The following PIGG variants were observed in gnomAD, a reference collection of about 807,000 sequenced individuals.
PIGG encodes the protein phosphatidylinositol glycan anchor biosynthesis class G (EMM blood group).
A neutral mutation model predicts 83.2 loss-of-function variants in PIGG; 70 were observed. That is an observed-to-expected ratio of 0.84 (90% CI 0.69 to 1.03). The LOEUF is 1.03. PIGG is among the 50% of genes least tolerant of loss of function. The pLI, the probability that PIGG is intolerant of heterozygous loss-of-function variation, is 0.00. For missense variants in PIGG, 1,257 were observed against 1,233.6 expected, an observed-to-expected ratio of 1.02 and a Z score of -0.28; for synonymous variants, 532 against 519.5, an observed-to-expected ratio of 1.02 and a Z score of -0.33.
rs141314540 is a variant in PIGG at position 526,800 on chromosome 4, G to A, written c.2070-239G>A. 2.2e-4 allele frequency: 120 copies of A among 547,364 alleles called. 1 individual carries two copies. The East Asian group carries it at 4.0e-3, about 18-fold the overall frequency. The allele number at this position is 547,364 out of a possible 1,614,324, so 33.9% of individuals were successfully genotyped here. ...TGGCCTCAAGCGATCCTTCCGCATT[G>A]GCATCCTAAAGTGCTGGGATTGCTG... On this transcript the variant is annotated intron_variant, in intron 9 of 12. Transcript: ENST00000453061.
At chr4:514,753 C>T (rs1450280224) in intron 5 of PIGG, among the ~76,000 whole-genome samples, 1 of 152,192 alleles carries the variant, frequency 6.6e-6, no homozygotes, top group African/African-American at 2.4e-5. Context: ...TTGTCAGCAA[C>T]TCCAGATATG....
chr4:499,285 G>A lies in PIGG; in HGVS notation c.-51G>A. On this transcript the variant is annotated 5_prime_UTR_variant, in exon 1 of 13. Transcript: ENST00000453061. ...TGGAGCCGGAAGCGCGGCTGCAGCA[G>A]GGCGAGGCTCCAGGTGGGGTCGGTT... is the stretch of plus-strand genomic sequence containing the variant. 6.3e-7 allele frequency: 1 copy of A among 1,584,378 alleles called. No homozygotes were observed. The highest frequency in any genetic ancestry group is 8.5e-7 in the Non-Finnish European group (1 of 1,170,532).
At chr4:526,915 A>G in intron 9 of PIGG, 124 bp from the exon 10 acceptor site, 1 of 1,048,078 alleles carries the variant, frequency 9.5e-7, no homozygotes, top group East Asian at 2.6e-5. Context: ...CAACAATTTC[A>G]TGTAATCTTT....
At position 523,741 on chromosome 4, in the gene PIGG, CG is replaced by C. The variant is rs778360262; in HGVS notation, c.1898del (p.Arg633GlnfsTer28). On this transcript the variant is annotated frameshift_variant, in exon 9 of 13. Coordinates refer to ENST00000453061, the MANE Select transcript of PIGG (RefSeq NM_001127178.3). LOFTEE classifies it high-confidence loss of function. ...QDGPGCDVLE[R>X]DKGHGSPSTS... ...CGGGCCTGGCTGTGATGTCCTGGAG[CG>C]AGACAAAGGCCACGGAAGCCCCTCT... 6.2e-6 allele frequency: 10 copies of C among 1,614,032 alleles called. No homozygotes were observed. Among genetic ancestry groups the C allele is most frequent in the Non-Finnish European group, 8.5e-6 (10 of 1,180,046 alleles).
chr4:530,879 G>A (rs775978806), intron 11 of PIGG, 134 bp downstream of exon 11: 28 of 670,050 alleles, frequency 4.2e-5, no homozygotes, highest in South Asian at 5.8e-5. Flanking sequence ...CTGAACTCTC[G>A]TGTATTTTAT....
rs1054285356 is a variant in PIGG, at chr4:521,553, T to C, written c.1333-107T>C. ...TCATCTTTTCCTGAGCTTGCTTTTC[T>C]GTTTTTACTGTGTGGACAGCTGACA... On this transcript the variant is annotated intron_variant, in intron 7 of 12. Coordinates refer to ENST00000453061, the MANE Select transcript of PIGG (RefSeq NM_001127178.3). The C allele has an allele frequency of 1.2e-5, 13 of 1,080,842 alleles. No individual in the cohort carries two copies. The African/African-American group carries it at 1.6e-4, about 13-fold the overall frequency. The allele number at this position is 1,080,842 out of a possible 1,614,324, so 67.0% of individuals were successfully genotyped here.
At chr4:526,459 C>T (rs987542905) in intron 9 of PIGG, among the ~76,000 whole-genome samples, 3 of 152,256 alleles carry the variant, frequency 2.0e-5, no homozygotes, top group African/African-American at 7.2e-5. Context: ...CCGTCAACCT[C>T]TGCACCATCT....
intron 12 of PIGG, 80 bp from the exon 13 acceptor site, chr4:539,073 C>G: frequency 1.1e-6 from 1 of 920,164 alleles, no homozygotes; most frequent in Non-Finnish European, 1.8e-6. Flanking sequence ...CTACTGGAGT[C>G]TTTTTGAAAA....
In PIGG at chr4:533,953, G is replaced by A; in HGVS notation, c.2707G>A (p.Val903Met). 2 of 1,614,210 alleles carry A rather than the reference G, an allele frequency of 1.2e-6. No homozygotes were observed. The highest frequency in any genetic ancestry group is 1.1e-5 in the South Asian group (1 of 91,086). ...GCCTGTGCTGTGGGCCAGCCACTTA[G>A]TGCACTTCCTGAGCTCAGAAACACG... ...AGPVLWASHL[V>M]HFLSSETRSG... Residue 903 changes from valine to methionine, a missense_variant, in exon 12 of 13, where the codon GTG becomes ATG. Physicochemically the swap from Val to Met is conservative, Grantham distance 21. Transcript: ENST00000453061.
chr4:502,239 CA>C (rs1310896510), intron 2 of PIGG: 2 of 152,154 alleles, frequency 1.3e-5, no homozygotes, highest in African/African-American at 4.8e-5. Context: ...GGTTTTATTT[CA>C]CCTTTGCTGG....
rs112246308 is a variant in PIGG, at chr4:527,289, GAC to G, written c.2261+62_2261+63del. ...CACTTTACTGTTTGAAGAACTGGCGGACACGGGGCGCGTGGAACCACTTCACT... is the reference window on the plus strand; with the variant it reads ...CACTTTACTGTTTGAAGAACTGGCGGACGGGGCGCGTGGAACCACTTCACT... On this transcript the variant is annotated intron_variant, in intron 10 of 12. Coordinates refer to ENST00000453061, the MANE Select transcript of PIGG (RefSeq NM_001127178.3). 9,059 of 1,492,904 alleles carry G rather than the reference GAC, an allele frequency of 6.1e-3. 445 individuals carry two copies. The African/African-American group carries it at 0.11, about 18-fold the overall frequency. 92.5% of individuals were successfully genotyped at this position (1,492,904 alleles called of 1,614,324 possible).
rs369841712 is a variant in PIGG, at chr4:530,452, C to T, written c.2278C>T (p.Arg760Cys). ...CTTTTTTAGGGGTATTATTGAAGCT[C>T]GTTTTGTTTATGTCTTTGTCCTTGG... ...KDISKGIIEA[R>C]FVYVFVLGIL... Residue 760 changes from arginine to cysteine, a missense_variant, in exon 11 of 13, where the codon CGT (arginine) becomes TGT (cysteine). Coordinates refer to ENST00000453061, the MANE Select transcript of PIGG (RefSeq NM_001127178.3). 9.3e-6 allele frequency: 15 copies of T among 1,611,568 alleles called. No homozygotes were observed. The East Asian group carries it at 1.1e-4, about 12-fold the overall frequency.
chr4:519,875 C>T (rs1725218049), intron 6 of PIGG, among the ~76,000 whole-genome samples: 5 of 92,728 alleles, frequency 5.4e-5, no homozygotes, highest in Admixed American at 4.9e-4. Flanking sequence ...GGCCTGCAGG[C>T]GTGTGGGTTC....
At chr4:519,026 G>A (rs1724895367) in intron 6 of PIGG, among the ~76,000 whole-genome samples, 1 of 151,946 alleles carries the variant, frequency 6.6e-6, no homozygotes, top group African/African-American at 2.4e-5. Context: ...TTTTTGCCTG[G>A]CGAATTCCTG....
chr4:500,518 A>C lies in PIGG; in HGVS notation c.277A>C (p.Thr93Pro). ...GSKGVKFMPY[T>P]TYLVEKGASH... ...AAAGGGTGTGAAATTTATGCCCTAC[A>C]CAACTTACCTTGTGGAAAAAGGAGC... Residue 93 changes from threonine (T) to proline (P), a missense_variant, in exon 2 of 13, where the codon ACA (threonine) becomes CCA (proline). Physicochemically the swap from Thr to Pro is conservative, Grantham distance 38. Coordinates refer to ENST00000453061, the MANE Select transcript of PIGG (RefSeq NM_001127178.3). 1 of 1,613,564 alleles carries C rather than the reference A, an allele frequency of 6.2e-7. No homozygotes were observed. The highest frequency in any genetic ancestry group is 1.3e-5 in the African/African-American group (1 of 75,050).
intron 11 of PIGG, chr4:530,971 G>C: frequency 1.9e-6 from 1 of 528,376 alleles, no homozygotes. Flanking sequence ...CTGCTGCTTT[G>C]CTGGGCCAGG....
At chr4:526,811 G>A in intron 9 of PIGG, 1 of 564,226 alleles carries the variant, frequency 1.8e-6, no homozygotes, top group Non-Finnish European at 3.1e-6. Flanking sequence ...GCATCCTAAA[G>A]TGCTGGGATT....
chr4:526,610 G>C (rs1727687848), intron 9 of PIGG, among the ~76,000 whole-genome samples: 2 of 152,212 alleles, frequency 1.3e-5, no homozygotes, highest in African/African-American at 4.8e-5. Flanking sequence ...GAGGGTACCA[G>C]GGAACAAGAG....
intron 6 of PIGG, among the ~76,000 whole-genome samples, chr4:517,159 G>C (rs556394862): frequency 7.2e-5 from 11 of 152,286 alleles, no homozygotes; most frequent in African/African-American, 2.2e-4. Flanking sequence ...GTGAGAGCCA[G>C]AGTCTCCCAC....
Sources: gnomAD v4.1 joint callset for allele counts (sites outside exome capture counted in the v4.1 genomes callset) on GRCh38, gnomAD v4.1.1 for gene constraint, MANE v1.5 for transcripts, NCBI Gene and HGNC (gene_info 2026-07-23, HGNC 2026-07-21) for gene names.